IZUMO3: variants seen among roughly 807,000 people sequenced by gnomAD.
IZUMO3 encodes IZUMO family member 3, also known as izumo sperm-egg fusion protein 3.
A neutral mutation model predicts 28.4 loss-of-function variants in IZUMO3; 36 were observed. The observed-to-expected ratio is 1.27, with a 90% CI of 0.97 to 1.67. IZUMO3 has a LOEUF of 1.67. Ranked by LOEUF, IZUMO3 falls within the 40% of genes most tolerant of loss-of-function variation. The pLI, the probability that IZUMO3 is intolerant of heterozygous loss-of-function variation, is 0.00. For synonymous variants in IZUMO3, 126 were observed against 99.2 expected, an observed-to-expected ratio of 1.27 and a Z score of -1.61; for missense variants, 387 against 278.5, an observed-to-expected ratio of 1.39 and a Z score of -2.77.
Position 24,545,616 on chromosome 9 carries a change from G to C in IZUMO3, c.34C>G (p.Leu12Val). ...GDLWLFLLLP[L>V]SAFHGVKGCL... ...CCTTTGACTCCATGGAAGGCTGAGAGGGGCAGGAGCAGGAATAACCACAGG... is the reference window on the plus strand; with the variant it reads ...CCTTTGACTCCATGGAAGGCTGAGACGGGCAGGAGCAGGAATAACCACAGG... Residue 12 changes from leucine (L) to valine (V), a missense_variant, in exon 1 of 7, where the codon CTC becomes GTC. Coordinates refer to ENST00000543880, the MANE Select transcript of IZUMO3 (RefSeq NM_001365008.2). 6.5e-7 allele frequency: 1 copy of C among 1,535,340 alleles called. No individual in the cohort carries two copies. The highest frequency in any genetic ancestry group is 8.7e-7 in the Non-Finnish European group (1 of 1,146,702).
Position 24,545,844 on chromosome 9 carries a change from A to AT in IZUMO3, c.-196dup. On this transcript the variant is annotated 5_prime_UTR_variant, in exon 1 of 7. It introduces an in-frame stop codon into an upstream open reading frame of the 5' UTR. Transcript: ENST00000543880. ...GATCTTTAGTTGTTTACTGACTATT[A>AT]TCCTTCATTCTAGGAGAGGGAACTG... 6.5e-7 allele frequency: 1 copy of AT among 1,536,530 alleles called. No individual in the cohort carries two copies. Among genetic ancestry groups the AT allele is most frequent in the Non-Finnish European group, 8.8e-7 (1 of 1,139,026 alleles).
chr9:24,543,449 T>TTG (rs1819503354), intron 6 of IZUMO3, 82 bp from the exon 7 acceptor site: 4 of 789,976 alleles, frequency 5.1e-6, no homozygotes, highest in Non-Finnish European at 6.8e-6. Context: ...TTTTTTTTTT[T>TTG]TTTTTTTTTT....
chr9:24,545,389 G>T, intron 1 of IZUMO3, 35 bp downstream of exon 1: 1 of 1,545,720 alleles, frequency 6.5e-7, no homozygotes, highest in South Asian at 1.2e-5. Context: ...CTCCGTTTAA[G>T]CCCCTGGACT....
At chr9:24,544,380 A>C (rs1272291189) in intron 4 of IZUMO3, 99 bp from the exon 5 acceptor site, 2 of 848,948 alleles carry the variant, frequency 2.4e-6, no homozygotes, top group Non-Finnish European at 3.9e-6. Flanking sequence ...AAGCATTCCC[A>C]GGACTCTCAA....
At chr9:24,543,931 T>C (rs574721603) in intron 5 of IZUMO3, among the ~76,000 whole-genome samples, 177 bp from the exon 6 acceptor site, 5 of 152,302 alleles carry the variant, frequency 3.3e-5, no homozygotes, top group African/African-American at 1.2e-4. Context: ...TACAAAACTG[T>C]TGCTGATAGC....
rs1819562894 is a variant in IZUMO3, at chr9:24,545,211, C to G, written c.301+1G>C. 1 of 1,549,176 alleles carries G rather than the reference C, an allele frequency of 6.5e-7. No individual in the cohort carries two copies. Among genetic ancestry groups the G allele is most frequent in the Admixed American group, 2.0e-5 (1 of 50,994 alleles). ...CTTTTAACATTGAAACAGTACCTCA[C>G]CTTTCCATGTTTCATTGCCCAGTTT... On this transcript the variant is annotated splice_donor_variant, in intron 2 of 6. Coordinates refer to ENST00000543880, the MANE Select transcript of IZUMO3 (RefSeq NM_001365008.2). LOFTEE classifies it high-confidence loss of function.
Position 24,543,607 on chromosome 9 carries a change from A to T in IZUMO3, c.581+57T>A. The T allele has an allele frequency of 2.4e-6, 3 of 1,260,000 alleles. No homozygotes were observed. In the South Asian group the frequency reaches 3.9e-5, roughly 17 times the overall value. 78.1% of individuals were successfully genotyped at this position (1,260,000 alleles called of 1,614,324 possible). A position where few individuals can be genotyped will look rare whatever the true frequency, so the allele number is the denominator to read the frequency against. Reference sequence around the variant, plus strand: ...ATTTGGAGGAAGAGGGAATTTGGGCAGTCTCTTGGCAAAAGGAATATTTGA... The same window carrying T: ...ATTTGGAGGAAGAGGGAATTTGGGCTGTCTCTTGGCAAAAGGAATATTTGA... On this transcript the variant is annotated intron_variant, in intron 6 of 6. Coordinates refer to ENST00000543880, the MANE Select transcript of IZUMO3 (RefSeq NM_001365008.2).
rs1054562489 is a variant in IZUMO3, at chr9:24,545,618, G to C, written c.32C>G (p.Pro11Arg). 2.0e-5 allele frequency: 31 copies of C among 1,535,154 alleles called. No homozygotes were observed. Among genetic ancestry groups the C allele is most frequent in the Non-Finnish European group, 2.7e-5 (31 of 1,146,676 alleles). Residue 11 changes from proline to arginine, a missense_variant, in exon 1 of 7, where the codon CCC (proline) becomes CGC (arginine). Coordinates refer to ENST00000543880, the MANE Select transcript of IZUMO3 (RefSeq NM_001365008.2). MGDLWLFLLLPLSAFHGVKGC... is the reference protein window; with the variant it reads MGDLWLFLLLRLSAFHGVKGC... ...TTTGACTCCATGGAAGGCTGAGAGGGGCAGGAGCAGGAATAACCACAGGTC... is the reference window on the plus strand; with the variant it reads ...TTTGACTCCATGGAAGGCTGAGAGGCGCAGGAGCAGGAATAACCACAGGTC...
Position 24,545,010 on chromosome 9 carries a change from G to C in IZUMO3, c.353C>G (p.Ser118Cys). 1 of 1,550,512 alleles carries C rather than the reference G, an allele frequency of 6.4e-7. No homozygotes were observed. Among genetic ancestry groups the C allele is most frequent in the Non-Finnish European group, 8.7e-7 (1 of 1,146,840 alleles). Residue 118 changes from serine (S) to cysteine (C), a missense_variant, in exon 3 of 7, where the codon TCC becomes TGC. Transcript: ENST00000543880. ...GTTCTTTAGTAATTCTTTCAGTTTG[G>C]ATTCCAGGTTTTGGCAGACATCGAG... Reference protein sequence around the residue: ...KLLDVCQNLESKLKELLKNFS... With the variant: ...KLLDVCQNLECKLKELLKNFS...
intron 3 of IZUMO3, 23 bp downstream of exon 3, chr9:24,544,949 G>T: frequency 6.7e-7 from 1 of 1,486,802 alleles, no homozygotes; most frequent in Non-Finnish European, 9.2e-7. Flanking sequence ...CTTCAGTGCT[G>T]TTATATAGAA....
chr9:24,543,435 A>ATTGTTTTTTTTTTTTTTT (rs1819499837), intron 6 of IZUMO3, 68 bp from the exon 7 acceptor site: 1 of 74,684 alleles, frequency 1.3e-5, no homozygotes. Flanking sequence ...CCAGTTATAC[A>ATTGTTTTTTTTTTTTTTT]TTGTTTTTTT....
chr9:24,543,356 C>A lies in IZUMO3; in HGVS notation c.593G>T (p.Cys198Phe), dbSNP rs913562068. The A allele has an allele frequency of 1.4e-6, 2 of 1,453,588 alleles. No individual in the cohort carries two copies. Among genetic ancestry groups the A allele is most frequent in the African/African-American group, 1.5e-5 (1 of 66,954 alleles). 90.0% of individuals were successfully genotyped at this position (1,453,588 alleles called of 1,614,324 possible). The change falls in exon 7 of 7, where the codon TGC becomes TTC. Residue 198 changes from cysteine (C) to phenylalanine (F), a missense_variant. Physicochemically the swap from Cys to Phe is radical, Grantham distance 205. Coordinates refer to ENST00000543880, the MANE Select transcript of IZUMO3 (RefSeq NM_001365008.2). ...LGSAVLLFHF[C>F]IFHRRKMKAI... ...CTTCATTTTCCTCCGATGAAAGATG[C>A]AAAAATGGAATCTAGAGTAGGAAAA... is the stretch of plus-strand genomic sequence containing the variant.
At position 24,545,279 on chromosome 9, in the gene IZUMO3, C is replaced by A. The variant is rs1158155570; in HGVS notation, c.234G>T (p.Gln78His). The A allele has an allele frequency of 6.5e-7, 1 of 1,550,074 alleles. No individual in the cohort carries two copies. Among genetic ancestry groups the A allele is most frequent in the Admixed American group, 2.0e-5 (1 of 50,966 alleles). Residue 78 changes from glutamine to histidine, a missense_variant, in exon 2 of 7, where the codon CAG becomes CAT. Physicochemically the swap from Gln to His is conservative, Grantham distance 24 (BLOSUM62 0). Coordinates refer to ENST00000543880, the MANE Select transcript of IZUMO3 (RefSeq NM_001365008.2). ...ACCATGTTCTCAACTTAACAACCTGCTGAACAGCTAGAGAGGGAGAGTAAA... is the reference window on the plus strand; with the variant it reads ...ACCATGTTCTCAACTTAACAACCTGATGAACAGCTAGAGAGGGAGAGTAAA... ...SDKRLRVLAV[Q>H]QVVKLRTWLK...
intron 6 of IZUMO3, 84 bp from the exon 7 acceptor site, chr9:24,543,451 T>TTTTTTA (rs1819503940): frequency 1.2e-6 from 1 of 831,588 alleles, no homozygotes; most frequent in Non-Finnish European, 1.6e-6. Flanking sequence ...TTTTTTTTTT[T>TTTTTTA]TTTTTTTTTT....
rs907692658 is a variant in IZUMO3, at chr9:24,544,860, C to T, written c.392-100G>A. The T allele has an allele frequency of 3.1e-5, 41 of 1,339,662 alleles. No homozygotes were observed. In the Admixed American group the frequency reaches 8.1e-4, roughly 27 times the overall value. 83.0% of individuals were successfully genotyped at this position (1,339,662 alleles called of 1,614,324 possible). A position where few individuals can be genotyped will look rare whatever the true frequency, so the allele number is the denominator to read the frequency against. ...TGTTTACCCTTTAAGTTCCAGTTACCTCTCCACCCATTCTAAATAACTCTA... is the reference window on the plus strand; with the variant it reads ...TGTTTACCCTTTAAGTTCCAGTTACTTCTCCACCCATTCTAAATAACTCTA... On this transcript the variant is annotated intron_variant, in intron 3 of 6. Transcript: ENST00000543880.
Position 24,543,273 on chromosome 9 carries a change from T to A in IZUMO3, c.676A>T (p.Lys226Ter), listed in dbSNP as rs1468529404. 1 of 1,548,172 alleles carries A rather than the reference T, an allele frequency of 6.5e-7. No homozygotes were observed. Among genetic ancestry groups the A allele is most frequent in the Middle Eastern group, 1.7e-4 (1 of 5,986 alleles). Residue 226 changes from lysine (K) to a stop codon, truncating the protein, a stop_gained, in exon 7 of 7, where the codon AAG becomes TAG. Coordinates refer to ENST00000543880, the MANE Select transcript of IZUMO3 (RefSeq NM_001365008.2). LOFTEE classifies it low-confidence loss of function (END_TRUNC). The stretch of plus-strand genomic sequence containing the variant: ...TCTTTCTCCTCCTTCTCATCTATCT[T>A]CCCCATTAATTCTTCAAGTTTCTTC... ...VEKKLEELMG[K>*]IDEKEEKDFR...
In IZUMO3 at chr9:24,545,687, C is replaced by G. The variant is rs964536630; in HGVS notation, c.-38G>C. ...CCCCGCTCCCCGACAGCAGGTTGTC[C>G]TGGCAACTAGTTCACTTAGTTCCTT... On this transcript the variant is annotated 5_prime_UTR_variant, in exon 1 of 7. Transcript: ENST00000543880. 1 of 1,534,948 alleles carries G rather than the reference C, an allele frequency of 6.5e-7. No homozygotes were observed. The highest frequency in any genetic ancestry group is 8.7e-7 in the Non-Finnish European group (1 of 1,146,290).
rs1819485627 is a variant in IZUMO3 at position 24,543,069 on chromosome 9, T to C, written c.*160A>G. 3.5e-6 allele frequency: 2 copies of C among 570,152 alleles called. No individual in the cohort carries two copies. Among genetic ancestry groups the C allele is most frequent in the Non-Finnish European group, 5.6e-6 (2 of 354,028 alleles). The allele number at this position is 570,152 out of a possible 1,614,324, so 35.3% of individuals were successfully genotyped here. A position where few individuals can be genotyped will look rare whatever the true frequency, so the allele number is the denominator to read the frequency against. On this transcript the variant is annotated 3_prime_UTR_variant, in exon 7 of 7. Transcript: ENST00000543880. ...TTGCTCTCCCATTACTTCCGTTGTC[T>C]CAGGATATCAATAAGCATTTTCATT... is the stretch of plus-strand genomic sequence containing the variant.
rs551317345 is a variant in IZUMO3, at chr9:24,545,673, G to T, written c.-24C>A. ...ATTTCTTTCTTCACCCCCGCTCCCC[G>T]ACAGCAGGTTGTCCTGGCAACTAGT... On this transcript the variant is annotated 5_prime_UTR_variant, in exon 1 of 7. Transcript: ENST00000543880. 2 of 1,534,618 alleles carry T rather than the reference G, an allele frequency of 1.3e-6. No homozygotes were observed. The highest frequency in any genetic ancestry group is 1.7e-6 in the Non-Finnish European group (2 of 1,146,398).
Sources: gnomAD v4.1 joint callset for allele counts (sites outside exome capture counted in the v4.1 genomes callset) on GRCh38, gnomAD v4.1.1 for gene constraint, MANE v1.5 for transcripts, NCBI Gene and HGNC (gene_info 2026-07-23, HGNC 2026-07-21) for gene names.